The following PLCG2 variants were observed in gnomAD, a reference collection of about 807,000 sequenced individuals.
PLCG2 encodes 1-phosphatidylinositol 4,5-bisphosphate phosphodiesterase gamma-2.
Under a neutral mutation model 175.6 loss-of-function variants are expected in PLCG2, and 69 were observed. The ratio of observed to expected loss-of-function variants is 0.39; its 90% CI spans 0.32 to 0.48. The LOEUF (loss-of-function observed/expected upper bound fraction) is 0.48, where lower values mean the gene tolerates loss of function less well. PLCG2 is among the 20% of genes least tolerant of loss of function. The pLI is 0.91. For missense variants in PLCG2, 1,798 were observed against 1,650.9 expected, an observed-to-expected ratio of 1.09 and a Z score of -1.54; for synonymous variants, 827 against 624.0, an observed-to-expected ratio of 1.33 and a Z score of -4.85.
intron 13 of PLCG2, 110 bp from the exon 14 acceptor site, chr16:81,900,502 G>A (rs962843493): frequency 5.0e-5 from 47 of 948,394 alleles, no homozygotes; most frequent in African/African-American, 2.8e-4. Context: ...TGTGCCCCCC[G>A]AGCAGCGCCC....
At chr16:81,812,654 G>C (rs920921450) in intron 2 of PLCG2, among the ~76,000 whole-genome samples, 2 of 152,260 alleles carry the variant, frequency 1.3e-5, no homozygotes, top group Admixed American at 1.3e-4. Flanking sequence ...TCTGATGATA[G>C]TTTCTTTTGC....
intron 2 of PLCG2, among the ~76,000 whole-genome samples, chr16:81,794,992 G>A (rs539845684): frequency 6.6e-6 from 1 of 152,234 alleles, no homozygotes; most frequent in Admixed American, 6.5e-5. Context: ...TGCTTGTCTT[G>A]TTTTCAAGAG....
At chr16:81,741,503 A>G (rs926871107) in intron 1 of PLCG2, among the ~76,000 whole-genome samples, 2 of 152,170 alleles carry the variant, frequency 1.3e-5, no homozygotes, top group Admixed American at 1.3e-4. Flanking sequence ...ACATTTTGAT[A>G]CACATATAAA....
chr16:81,886,143 A>G (rs1908353897), intron 9 of PLCG2, among the ~76,000 whole-genome samples: 1 of 152,176 alleles, frequency 6.6e-6, no homozygotes, highest in Non-Finnish European at 1.5e-5. Context: ...GCATCCTAGA[A>G]TTCACCACCT....
intron 8 of PLCG2, among the ~76,000 whole-genome samples, chr16:81,881,239 G>A (rs1195497355): frequency 1.4e-5 from 2 of 143,320 alleles, no homozygotes; most frequent in African/African-American, 2.6e-5. Context: ...GATGTGACAG[G>A]TTAATAGTTT....
At chr16:81,835,066 G>A (rs967422682) in intron 2 of PLCG2, among the ~76,000 whole-genome samples, 2 of 144,514 alleles carry the variant, frequency 1.4e-5, no homozygotes, top group Non-Finnish European at 3.1e-5. Flanking sequence ...CAAAGAGGAG[G>A]AAGTGGCCTT....
chr16:81,924,732 G>A (rs114356439), intron 22 of PLCG2, among the ~76,000 whole-genome samples: 374 of 152,334 alleles, frequency 2.5e-3, no homozygotes, highest in African/African-American at 8.2e-3. Context: ...AGATGCAGCC[G>A]AGTTACCCAT....
intron 2 of PLCG2, among the ~76,000 whole-genome samples, chr16:81,840,909 G>A (rs1188550379): frequency 6.6e-6 from 1 of 152,196 alleles, no homozygotes; most frequent in African/African-American, 2.4e-5. Flanking sequence ...TTTTTCCAGG[G>A]AGTGGTCCCT....
intron 8 of PLCG2, among the ~76,000 whole-genome samples, chr16:81,882,683 G>T (rs549798459): frequency 6.6e-6 from 1 of 151,244 alleles, no homozygotes; most frequent in East Asian, 2.0e-4. Flanking sequence ...CCTCGAGGCC[G>T]CTGCTTCTCT....
chr16:81,900,540 T>G (rs1442741409), intron 13 of PLCG2, 72 bp from the exon 14 acceptor site: 3 of 1,406,964 alleles, frequency 2.1e-6, no homozygotes, highest in Non-Finnish European at 2.9e-6. Flanking sequence ...GGAGCTGCCC[T>G]GGCCCCTCTG....
At chr16:81,841,884 A>G (rs957051650) in intron 2 of PLCG2, among the ~76,000 whole-genome samples, 5 of 152,228 alleles carry the variant, frequency 3.3e-5, no homozygotes, top group Non-Finnish European at 5.9e-5. Flanking sequence ...TGAGATCAGT[A>G]AGCAACGCTG....
intron 2 of PLCG2, among the ~76,000 whole-genome samples, chr16:81,809,239 A>C (rs769198538): frequency 3.3e-5 from 5 of 152,078 alleles, no homozygotes; most frequent in Non-Finnish European, 5.9e-5. Flanking sequence ...ACCTGTGACT[A>C]TGCCTGAGGG....
chr16:81,951,341 A>G (rs983399231), intron 31 of PLCG2, among the ~76,000 whole-genome samples: 7 of 152,260 alleles, frequency 4.6e-5, no homozygotes, highest in African/African-American at 1.7e-4. Flanking sequence ...AATACTGGAA[A>G]GGAGACTGAA....
chr16:81,742,845 G>T (rs1475941643), intron 1 of PLCG2, among the ~76,000 whole-genome samples: 1 of 152,220 alleles, frequency 6.6e-6, no homozygotes, highest in East Asian at 1.9e-4. Context: ...CGTCCTCCCA[G>T]CTTTGAAGTT....
At chr16:81,789,510 A>C (rs1319130496) in intron 2 of PLCG2, among the ~76,000 whole-genome samples, 1 of 152,140 alleles carries the variant, frequency 6.6e-6, no homozygotes, top group Admixed American at 6.5e-5. Flanking sequence ...GCTGGTCTCC[A>C]ACTCCTGGCC....
intron 2 of PLCG2, among the ~76,000 whole-genome samples, chr16:81,846,632 A>G (rs993950509): frequency 2.0e-5 from 3 of 152,250 alleles, no homozygotes; most frequent in Non-Finnish European, 4.4e-5. Context: ...TAATGCTTAA[A>G]AAGATCATGA....
chr16:81,817,614 C>T (rs1904608675), intron 2 of PLCG2, among the ~76,000 whole-genome samples: 1 of 152,192 alleles, frequency 6.6e-6, no homozygotes, highest in Non-Finnish European at 1.5e-5. Context: ...TGTAGAACAT[C>T]AGAGGGTACC....
intron 31 of PLCG2, among the ~76,000 whole-genome samples, chr16:81,950,562 GATAAC>G (rs1317345555): frequency 6.6e-6 from 1 of 152,126 alleles, no homozygotes; most frequent in Non-Finnish European, 1.5e-5. Context: ...CCTACAAATG[GATAAC>G]ATACACTATT....
At chr16:81,757,967 T>G (rs1909963661) in intron 2 of PLCG2, among the ~76,000 whole-genome samples, 1 of 152,128 alleles carries the variant, frequency 6.6e-6, no homozygotes, top group Admixed American at 6.5e-5. Flanking sequence ...GTCGTTATTG[T>G]TGCTGTTTTG....
Sources: gnomAD v4.1 joint callset for allele counts (sites outside exome capture counted in the v4.1 genomes callset) on GRCh38, gnomAD v4.1.1 for gene constraint, MANE v1.5 for transcripts, NCBI Gene and HGNC (gene_info 2026-07-23, HGNC 2026-07-21) for gene names.